The following HMCN2 variants were observed in gnomAD, a reference collection of about 807,000 sequenced individuals.
The protein encoded by HMCN2 is hemicentin-2.
A neutral mutation model predicts 377.5 loss-of-function variants in HMCN2; 325 were observed. That is an observed-to-expected ratio of 0.86 (90% CI 0.79 to 0.94). HMCN2 has a LOEUF of 0.94. Ranked by LOEUF, HMCN2 falls within the 40% of genes least tolerant of loss-of-function variation. HMCN2 has a pLI of 0.00. For missense variants in HMCN2, 4,543 were observed against 4,725.3 expected (o/e 0.96, Z 1.13); for synonymous variants, 2,007 against 2,046.8 (o/e 0.98, Z 0.53).
In HMCN2 at chr9:130,397,436, A is replaced by G. The variant is rs2131700027; in HGVS notation, c.11199-92A>G. On this transcript the variant is annotated intron_variant, in intron 73 of 97. Transcript: ENST00000683500. ...CATATCAGCATCCTCTCACTGGGAA[A>G]GTGGGGGCAGAGGGAAGGGTCTTGC... 4 of 1,172,214 alleles carry G rather than the reference A, an allele frequency of 3.4e-6. No homozygotes were observed. In the Admixed American group the frequency reaches 1.1e-4, roughly 31 times the overall value. The allele number at this position is 1,172,214 out of a possible 1,614,324, so 72.6% of individuals were successfully genotyped here.
chr9:130,272,912 A>G (rs1049409801), intron 1 of HMCN2, among the ~76,000 whole-genome samples: 3 of 152,182 alleles, frequency 2.0e-5, no homozygotes, highest in Admixed American at 6.5e-5. Context: ...TGAGAATTTT[A>G]TCTTTTAGAT....
At chr9:130,300,169 A>T (rs1404112280) in intron 8 of HMCN2, among the ~76,000 whole-genome samples, 4 of 151,590 alleles carry the variant, frequency 2.6e-5, no homozygotes, top group Non-Finnish European at 5.9e-5. Context: ...CCATCCATCT[A>T]TCCATTCATT....
At chr9:130,392,862 G>A (rs1402430080) in intron 66 of HMCN2, among the ~76,000 whole-genome samples, 1 of 151,936 alleles carries the variant, frequency 6.6e-6, no homozygotes, top group Non-Finnish European at 1.5e-5. Context: ...CGGGCCTGGT[G>A]GCGGGCGCCT....
intron 90 of HMCN2, 71 bp downstream of exon 90, chr9:130,425,995 G>C: frequency 2.6e-6 from 3 of 1,169,408 alleles, no homozygotes; most frequent in Non-Finnish European, 3.6e-6. Context: ...AAATGCACGT[G>C]GCTGGAATCC....
At chr9:130,296,423 T>C (rs1042076777) in intron 6 of HMCN2, among the ~76,000 whole-genome samples, 1 of 152,182 alleles carries the variant, frequency 6.6e-6, no homozygotes, top group African/African-American at 2.4e-5. Flanking sequence ...CTGCCGGGGC[T>C]GAGGCGAGCT....
rs781821208 is a variant in HMCN2, at chr9:130,306,888, C to T, written c.2036C>T (p.Ala679Val). Reference protein sequence around the residue: ...PEDAGNYSCQATNEVGTDQET... With the variant: ...PEDAGNYSCQVTNEVGTDQET... The stretch of plus-strand genomic sequence containing the variant: ...GATGCTGGGAATTACAGCTGCCAGG[C>T]GACTAATGAGGTTGGCACTGACCAG... The change falls in exon 13 of 98, where the codon GCG (alanine) becomes GTG (valine). Residue 679 changes from alanine (A) to valine (V), a missense_variant. By Grantham distance (64) the Ala-to-Val change is moderately conservative. Around this residue, in one of 5 missense-constraint regions of HMCN2, gnomAD observed 547 missense variants for 189.9 expected, o/e 2.88. Transcript: ENST00000683500. 25 of 471,016 alleles carry T rather than the reference C, an allele frequency of 5.3e-5. No homozygotes were observed. The highest frequency in any genetic ancestry group is 2.6e-4 in the South Asian group (17 of 64,536). The allele number at this position is 471,016 out of a possible 1,614,324, so 29.2% of individuals were successfully genotyped here.
intron 15 of HMCN2, among the ~76,000 whole-genome samples, chr9:130,316,437 A>T (rs1010024287): frequency 5.3e-5 from 8 of 151,976 alleles, no homozygotes; most frequent in Non-Finnish European, 1.0e-4. Context: ...AGAGCAGGAA[A>T]AAAAGGACGG....
chr9:130,395,388 C>T (rs1322485352), intron 71 of HMCN2, 41 bp downstream of exon 71: 6 of 1,259,502 alleles, frequency 4.8e-6, no homozygotes, highest in African/African-American at 3.1e-5. Context: ...CCTTCTGTCC[C>T]GCTCAGGCCT....
chr9:130,418,860 C>T lies in HMCN2; in HGVS notation c.13050C>T (p.Pro4350=), dbSNP rs1243817506. ...VALRCQATGE[P]TPTIEWLQAG... Reference sequence around the variant, plus strand: ...TGCGGTGCCAGGCCACTGGAGAGCCCACACCCACCATTGAATGGCTACAGG... The same window carrying T: ...TGCGGTGCCAGGCCACTGGAGAGCCTACACCCACCATTGAATGGCTACAGG... Residue 4350 remains proline, a synonymous_variant, in exon 86 of 98, where the codon CCC becomes CCT. Transcript: ENST00000683500. The T allele has an allele frequency of 3.6e-5, 55 of 1,549,272 alleles. No individual in the cohort carries two copies. Among genetic ancestry groups the T allele is most frequent in the Middle Eastern group, 1.7e-4 (1 of 6,010 alleles).
intron 73 of HMCN2, among the ~76,000 whole-genome samples, chr9:130,396,661 C>T (rs930140484): frequency 6.6e-6 from 1 of 152,122 alleles, no homozygotes; most frequent in Non-Finnish European, 1.5e-5. Flanking sequence ...AACCCCGTGG[C>T]CCCCAGCCCC....
rs2131638846 is a variant in HMCN2, at chr9:130,382,746, C to T, written c.8613C>T (p.Thr2871=). ...VEEVTVNASS[T]VSLQCPALGN... is the part of the protein sequence containing the mutation. ...AGGTGACAGTCAATGCCAGCAGCAC[C>T]GTCAGCCTGCAGTGCCCGGCCCTGG... Residue 2871 remains threonine (T), a synonymous_variant, in exon 56 of 98, where the codon ACC becomes ACT. Transcript: ENST00000683500. The T allele has an allele frequency of 4.1e-6, 4 of 985,906 alleles. No homozygotes were observed. Among genetic ancestry groups the T allele is most frequent in the Non-Finnish European group, 4.8e-6 (4 of 829,974 alleles). 61.1% of individuals were successfully genotyped at this position (985,906 alleles called of 1,614,324 possible).
At chr9:130,344,417 T>C (rs1839230042) in intron 25 of HMCN2, among the ~76,000 whole-genome samples, 1 of 150,534 alleles carries the variant, frequency 6.6e-6, no homozygotes, top group African/African-American at 2.4e-5. Flanking sequence ...TGTGTGCATG[T>C]ATGTGTTCTG....
intron 72 of HMCN2, 43 bp downstream of exon 72, chr9:130,396,108 A>AAAAAACCCCCC: frequency 2.7e-6 from 1 of 363,696 alleles, no homozygotes; most frequent in Non-Finnish European, 3.4e-6. Context: ...ACCTTACCCC[A>AAAAAACCCCCC]CCCTGCCCAC....
In HMCN2 at chr9:130,360,327, T is replaced by TTCCCCCTTGCTTCTCTCTTCCA; in HGVS notation, c.5774-100_5774-99insCCCCCTTGCTTCTCTCTTCCAT. On this transcript the variant is annotated intron_variant, in intron 37 of 97. Coordinates refer to ENST00000683500, the MANE Select transcript of HMCN2 (RefSeq NM_001291815.2). This position sits in a 1 kb window ranked among gnomAD's most constrained non-coding sequence, Gnocchi z 4.7. ...CCATTCCCCCTTGCATCTCTCTTCCTTTCCCCCTTGCATCTCTCTTCCTTT... is the reference window on the plus strand; with the variant it reads ...CCATTCCCCCTTGCATCTCTCTTCCTTCCCCCTTGCTTCTCTCTTCCATTCCCCCTTGCATCTCTCTTCCTTT... 1 of 589,984 alleles carries TTCCCCCTTGCTTCTCTCTTCCA rather than the reference T, an allele frequency of 1.7e-6. No individual in the cohort carries two copies. Among genetic ancestry groups the TTCCCCCTTGCTTCTCTCTTCCA allele is most frequent in the Non-Finnish European group, 2.3e-6 (1 of 429,250 alleles). The allele number at this position is 589,984 out of a possible 1,614,324, so 36.5% of individuals were successfully genotyped here.
rs1443102039 is a variant in HMCN2 at position 130,396,357 on chromosome 9, C to T, written c.11198+44C>T. ...GGGCCTCAGGGAGGCTCTCAGGTGC[C>T]ACTTTGTGGGTTGCAAATCAAACTC... is the stretch of plus-strand genomic sequence containing the variant. On this transcript the variant is annotated intron_variant, in intron 73 of 97. Transcript: ENST00000683500. 4.9e-6 allele frequency: 6 copies of T among 1,236,750 alleles called. No individual in the cohort carries two copies. In the African/African-American group the frequency reaches 9.4e-5, roughly 19 times the overall value. The allele number at this position is 1,236,750 out of a possible 1,614,324, so 76.6% of individuals were successfully genotyped here.
chr9:130,313,409 C>G (rs1822005072), intron 15 of HMCN2, among the ~76,000 whole-genome samples: 1 of 146,048 alleles, frequency 6.8e-6, no homozygotes, highest in East Asian at 1.9e-4. Context: ...TGGCATCTGC[C>G]AGTCAGGAGT....
intron 62 of HMCN2, among the ~76,000 whole-genome samples, chr9:130,389,808 C>T (rs1419780513): frequency 6.6e-6 from 1 of 152,190 alleles, no homozygotes; most frequent in Non-Finnish European, 1.5e-5. Flanking sequence ...CTCCTGACCT[C>T]AGGTGATCCA....
At chr9:130,433,087 C>G (rs1844860850) in intron 97 of HMCN2, 1 of 456,890 alleles carries the variant, frequency 2.2e-6, no homozygotes, top group East Asian at 3.6e-5. Context: ...TGCTGGGCTT[C>G]CCTGGGGCAT....
chr9:130,318,316 C>A (rs1316072082), intron 15 of HMCN2, among the ~76,000 whole-genome samples: 1 of 151,350 alleles, frequency 6.6e-6, no homozygotes, highest in African/African-American at 2.4e-5. Flanking sequence ...GAGGTAGAGG[C>A]TTTTCCATGG....
Sources: gnomAD v4.1 joint callset for allele counts (sites outside exome capture counted in the v4.1 genomes callset) on GRCh38, gnomAD v4.1.1 for gene constraint, gnomAD v4.1.1 regional missense constraint, Gnocchi (gnomAD v3.1) non-coding constraint, MANE v1.5 for transcripts, NCBI Gene and HGNC (gene_info 2026-07-23, HGNC 2026-07-21) for gene names.